Variants in PHACTR4 observed in about 807,000 individuals in gnomAD.
PHACTR4 encodes the protein phosphatase and actin regulator 4, also known as protein phosphatase 1, regulatory subunit 124.
PHACTR4 carries 51 observed loss-of-function variants against 72.7 expected under a neutral mutation model. The ratio of observed to expected loss-of-function variants is 0.70; its 90% CI spans 0.56 to 0.89. The LOEUF (loss-of-function observed/expected upper bound fraction) is 0.89. PHACTR4 is among the 40% of genes least tolerant of loss of function. PHACTR4 has a pLI of 0.00. For synonymous variants in PHACTR4, 255 were observed against 302.5 expected, an observed-to-expected ratio of 0.84 and a Z score of 1.63; for missense variants, 731 against 861.8, an observed-to-expected ratio of 0.85 and a Z score of 1.90.
At chr1:28,429,605 A>G (rs562044661) in intron 2 of PHACTR4, among the ~76,000 whole-genome samples, 49 of 152,362 alleles carry the variant, frequency 3.2e-4, no homozygotes, top group Non-Finnish European at 5.9e-5. Flanking sequence ...ATGGTAGAAT[A>G]GAATCTCTGA....
intron 1 of PHACTR4, among the ~76,000 whole-genome samples, chr1:28,401,300 CTTTTTTT>C (rs34281484): frequency 4.9e-5 from 5 of 103,028 alleles, no homozygotes; most frequent in African/African-American, 7.6e-5. Flanking sequence ...ACCTGCTTTA[CTTTTTTT>C]TTTTTTTTTT....
chr1:28,448,382 CA>C (rs560890753), intron 2 of PHACTR4, among the ~76,000 whole-genome samples: 5 of 126,454 alleles, frequency 4.0e-5, no homozygotes, highest in East Asian at 4.5e-4. Context: ...GACTTTGTTT[CA>C]AAAAAAAAGA....
chr1:28,480,393 G>A, intron 8 of PHACTR4, 58 bp from the exon 9 acceptor site: 1 of 1,595,412 alleles, frequency 6.3e-7, no homozygotes, highest in South Asian at 1.1e-5. Context: ...TCCAGGTAAG[G>A]TTGAACCTTT....
chr1:28,492,629 G>A (rs1255033314), intron 12 of PHACTR4, among the ~76,000 whole-genome samples: 2 of 151,578 alleles, frequency 1.3e-5, no homozygotes, highest in Non-Finnish European at 2.9e-5. Context: ...ACGTGGTAGT[G>A]CGCACCTGTA....
chr1:28,439,051 T>C (rs1656819924), intron 2 of PHACTR4, among the ~76,000 whole-genome samples: 1 of 152,168 alleles, frequency 6.6e-6, no homozygotes, highest in African/African-American at 2.4e-5. Context: ...ATCTTCTATG[T>C]GAAATGGTAG....
intron 2 of PHACTR4, among the ~76,000 whole-genome samples, chr1:28,426,341 A>C (rs1655843232): frequency 6.6e-6 from 1 of 151,834 alleles, no homozygotes; most frequent in African/African-American, 2.4e-5. Flanking sequence ...ACTATGAAAA[A>C]CAGATAACAC....
At position 28,499,412 on chromosome 1, in the gene PHACTR4, G is replaced by A. The variant is rs1423206885; in HGVS notation, c.*2863G>A. On this transcript the variant is annotated 3_prime_UTR_variant, in exon 14 of 14. Coordinates refer to ENST00000373839, the MANE Select transcript of PHACTR4 (RefSeq NM_001048183.3). ...AGCCTCCCAAAGTGGTGGGATTACA[G>A]GCATGAGCCACCGTGCCGAGCCTTC... 1 of 152,480 alleles carries A rather than the reference G, an allele frequency of 6.6e-6. No individual in the cohort carries two copies. The highest frequency in any genetic ancestry group is 1.5e-5 in the Non-Finnish European group (1 of 68,342). 9.4% of individuals were successfully genotyped at this position (152,480 alleles called of 1,614,324 possible). A position where few individuals can be genotyped will look rare whatever the true frequency, so the allele number is the denominator to read the frequency against.
intron 6 of PHACTR4, among the ~76,000 whole-genome samples, chr1:28,468,138 T>A (rs1465462330): frequency 6.6e-6 from 1 of 152,236 alleles, no homozygotes; most frequent in Non-Finnish European, 1.5e-5. Flanking sequence ...ATGAAGTTGT[T>A]ATTACCACCA....
At chr1:28,495,616 T>TA (rs201134093) in intron 13 of PHACTR4, among the ~76,000 whole-genome samples, 454 of 143,000 alleles carry the variant, frequency 3.2e-3, no homozygotes, top group Admixed American at 5.2e-3. Context: ...TTTATTTATT[T>TA]TTTTTTTTTT....
chr1:28,421,854 TCTC>T (rs1205905612), intron 2 of PHACTR4, among the ~76,000 whole-genome samples: 1 of 152,200 alleles, frequency 6.6e-6, no homozygotes, highest in African/African-American at 2.4e-5. Context: ...CTGGTTATAA[TCTC>T]ATAATACATC....
chr1:28,460,649 C>T (rs1178804128), intron 4 of PHACTR4, among the ~76,000 whole-genome samples: 1 of 152,154 alleles, frequency 6.6e-6, no homozygotes, highest in Non-Finnish European at 1.5e-5. Flanking sequence ...GCTGGGATTA[C>T]AGGCACCTGT....
In PHACTR4 at chr1:28,497,638, CTG is replaced by C. The variant is rs1661437464; in HGVS notation, c.*1092_*1093del. 1.3e-5 allele frequency: 2 copies of C among 148,868 alleles called. No individual in the cohort carries two copies. Among genetic ancestry groups the C allele is most frequent in the South Asian group, 4.2e-4 (2 of 4,740 alleles). 9.2% of individuals were successfully genotyped at this position (148,868 alleles called of 1,614,324 possible). ...CCCTGTGCTCAGGCCCACTCCCACA[CTG>C]TGGAGTGTACTTTCATTTTCAATAA... On this transcript the variant is annotated 3_prime_UTR_variant, in exon 14 of 14. Transcript: ENST00000373839.
At chr1:28,491,295 A>G (rs1373113766) in intron 11 of PHACTR4, among the ~76,000 whole-genome samples, 1 of 151,484 alleles carries the variant, frequency 6.6e-6, no homozygotes, top group East Asian at 1.9e-4. Flanking sequence ...CACCTCTACA[A>G]AAAAAAATAT....
intron 1 of PHACTR4, among the ~76,000 whole-genome samples, chr1:28,372,507 G>A (rs1651322579): frequency 6.6e-6 from 1 of 152,086 alleles, no homozygotes; most frequent in South Asian, 2.1e-4. Flanking sequence ...AGGGTCTTTT[G>A]TGTTTTCCTG....
At chr1:28,464,327 C>T (rs1406956226) in intron 4 of PHACTR4, among the ~76,000 whole-genome samples, 1 of 152,140 alleles carries the variant, frequency 6.6e-6, no homozygotes, top group East Asian at 1.9e-4. Context: ...TGCCAGTGCC[C>T]CAAACACGTT....
intron 13 of PHACTR4, among the ~76,000 whole-genome samples, chr1:28,493,728 A>T (rs996386651): frequency 6.6e-6 from 1 of 152,164 alleles, no homozygotes; most frequent in African/African-American, 2.4e-5. Context: ...CGGAGAAAGA[A>T]ATCAATGACT....
At position 28,476,102 on chromosome 1, in the gene PHACTR4, G is replaced by C; in HGVS notation, c.1422-5G>C. On this transcript the variant is annotated splice_polypyrimidine_tract_variant and splice_region_variant and intron_variant, in intron 7 of 13. Transcript: ENST00000373839. ...AAGGAAAATATAATTATGTTAATTTGTTAGTCCAGACGATGAAGAAGAAGA... is the reference window on the plus strand; with the variant it reads ...AAGGAAAATATAATTATGTTAATTTCTTAGTCCAGACGATGAAGAAGAAGA... The C allele has an allele frequency of 6.3e-7, 1 of 1,588,908 alleles. No homozygotes were observed.
At chr1:28,436,098 C>CT (rs1656615551) in intron 2 of PHACTR4, among the ~76,000 whole-genome samples, 1 of 151,974 alleles carries the variant, frequency 6.6e-6, no homozygotes. Context: ...TGTTTTTTCT[C>CT]TATCAAAAGC....
chr1:28,492,986 G>A, intron 12 of PHACTR4, 29 bp from the exon 13 acceptor site: 1 of 1,570,748 alleles, frequency 6.4e-7, no homozygotes, highest in South Asian at 1.1e-5. Flanking sequence ...GCCAGAAGAA[G>A]CTGAAACATT....
Sources: allele counts gnomAD v4.1 joint callset (sites outside exome capture counted in the v4.1 genomes callset), GRCh38; gene constraint gnomAD v4.1.1; transcripts MANE v1.5; gene names NCBI Gene and HGNC (gene_info 2026-07-23, HGNC 2026-07-21).